GRM5: variants seen among roughly 807,000 people sequenced by gnomAD.
The protein encoded by GRM5 is glutamate metabotropic receptor 5, also known as metabotropic glutamate receptor 5.
In GRM5, 19 loss-of-function variants were observed where a neutral mutation model predicts 83.1. That is an observed-to-expected ratio of 0.23 (90% CI 0.16 to 0.34). The LOEUF is 0.34. Among genes scored for constraint, GRM5 ranks in the 10% least tolerant of loss-of-function variants. The pLI is 1.00. For synonymous variants in GRM5, 675 were observed against 633.6 expected (o/e 1.07, Z -0.98); for missense variants, 1,160 against 1,588.3 (o/e 0.73, Z 4.58).
intron 3 of GRM5, among the ~76,000 whole-genome samples, chr11:88,745,353 C>T (rs1591483611): frequency 1.4e-5 from 2 of 148,050 alleles, no homozygotes; most frequent in Non-Finnish European, 3.0e-5. Flanking sequence ...ACTACAGGCA[C>T]GTGCCACCCC....
chr11:88,798,825 A>AAAAAAAACAACAAC (rs777932007), intron 3 of GRM5, among the ~76,000 whole-genome samples: 1 of 145,236 alleles, frequency 6.9e-6, no homozygotes, highest in African/African-American at 2.5e-5. Flanking sequence ...AAAAAAAAAA[A>AAAAAAAACAACAAC]AACAACAACA....
chr11:88,591,952 T>A (rs184508884), intron 6 of GRM5, among the ~76,000 whole-genome samples: 1 of 152,336 alleles, frequency 6.6e-6, no homozygotes, highest in Non-Finnish European at 1.5e-5. Flanking sequence ...GCTGGTTTAT[T>A]TTTTTCATTT....
chr11:88,792,527 T>C (rs1327070117), intron 3 of GRM5, among the ~76,000 whole-genome samples: 1 of 152,124 alleles, frequency 6.6e-6, no homozygotes, highest in Non-Finnish European at 1.5e-5. Context: ...ATTTCTAGTA[T>C]CAAAGAAATG....
intron 8 of GRM5, among the ~76,000 whole-genome samples, chr11:88,563,039 A>G (rs1406930798): frequency 6.6e-6 from 1 of 152,214 alleles, no homozygotes; most frequent in African/African-American, 2.4e-5. Flanking sequence ...TTTTTATAAC[A>G]TGAGGAAAAT....
intron 8 of GRM5, among the ~76,000 whole-genome samples, chr11:88,556,290 T>C (rs1249695656): frequency 6.6e-6 from 1 of 151,868 alleles, no homozygotes; most frequent in Non-Finnish European, 1.5e-5. Context: ...TCACATTTCA[T>C]GGATATGAAC....
At chr11:89,023,893 AT>A (rs1941058880) in intron 2 of GRM5, among the ~76,000 whole-genome samples, 3 of 147,190 alleles carry the variant, frequency 2.0e-5, no homozygotes, top group African/African-American at 5.2e-5. Flanking sequence ...AAATAAATAA[AT>A]AAAAATAAAT....
chr11:88,590,483 T>C (rs917249032), intron 7 of GRM5, 118 bp downstream of exon 7: 3 of 769,184 alleles, frequency 3.9e-6, no homozygotes, highest in Non-Finnish European at 6.4e-6. Context: ...CCAAGGAAAT[T>C]ATTTGTTCCA....
At chr11:89,031,204 A>G (rs1449504130) in intron 2 of GRM5, among the ~76,000 whole-genome samples, 2 of 152,110 alleles carry the variant, frequency 1.3e-5, no homozygotes, top group Non-Finnish European at 2.9e-5. Context: ...TTCTTAAGCC[A>G]GTAGTAAGAT....
At chr11:88,817,271 C>T (rs72643328) in intron 3 of GRM5, among the ~76,000 whole-genome samples, 12,411 of 151,986 alleles carry the variant, frequency 0.082, 893 homozygotes, top group African/African-American at 0.2. Context: ...ACTGTTTACA[C>T]GTAAACAGTA....
intron 3 of GRM5, among the ~76,000 whole-genome samples, chr11:88,775,896 C>T (rs1012235347): frequency 4.7e-5 from 5 of 106,182 alleles, no homozygotes; most frequent in Non-Finnish European, 1.4e-4. Context: ...CAATGTGTTG[C>T]TGAGAAGACT....
At chr11:89,030,526 G>T (rs1341958506) in intron 2 of GRM5, among the ~76,000 whole-genome samples, 4 of 151,816 alleles carry the variant, frequency 2.6e-5, no homozygotes, top group African/African-American at 7.3e-5. Flanking sequence ...TCTGGTAAAT[G>T]GTAATTAAAA....
chr11:88,851,030 T>C (rs1478775645), intron 2 of GRM5, among the ~76,000 whole-genome samples: 2 of 152,120 alleles, frequency 1.3e-5, no homozygotes, highest in Non-Finnish European at 2.9e-5. Flanking sequence ...AGGTCCATAT[T>C]TACCTTGAGT....
chr11:88,744,070 C>G (rs118022648), intron 3 of GRM5, among the ~76,000 whole-genome samples: 3 of 152,092 alleles, frequency 2.0e-5, no homozygotes, highest in Non-Finnish European at 2.9e-5. Context: ...CATCCTATAT[C>G]ACAATTTTAA....
At chr11:88,783,322 G>A (rs1252679075) in intron 3 of GRM5, among the ~76,000 whole-genome samples, 1 of 151,992 alleles carries the variant, frequency 6.6e-6, no homozygotes. Flanking sequence ...TAAATTTTGG[G>A]TATCTTCCTC....
At position 89,002,134 on chromosome 11, in the gene GRM5, A is replaced by G. The variant is rs144597010; in HGVS notation, c.661+45078T>C. On this transcript the variant is annotated intron_variant, in intron 2 of 9. Coordinates refer to ENST00000305447, the MANE Select transcript of GRM5 (RefSeq NM_001143831.3). ...AGATTCTTGGATTGAACATATTTCT[A>G]TTTTAAGTTTAACTATTTTTGGCAT... 5.9e-4 allele frequency among the ~76,000 whole-genome samples: 90 copies of G among 152,264 alleles called. 1 individual carries two copies. The East Asian group carries it at 0.012, about 21-fold the overall frequency.
At chr11:88,683,413 T>C (rs996885184) in intron 3 of GRM5, among the ~76,000 whole-genome samples, 8 of 152,234 alleles carry the variant, frequency 5.3e-5, no homozygotes, top group Non-Finnish European at 1.0e-4. Flanking sequence ...TTCTATTACT[T>C]TAGCATTTTA....
intron 4 of GRM5, among the ~76,000 whole-genome samples, chr11:88,633,569 G>A (rs55663947): frequency 0.11 from 16,580 of 152,208 alleles, 1,706 homozygotes; most frequent in African/African-American, 0.26. Flanking sequence ...TGCAATCATA[G>A]CTTACTACAG....
At chr11:88,929,620 A>G (rs2135644329) in intron 2 of GRM5, among the ~76,000 whole-genome samples, 1 of 152,248 alleles carries the variant, frequency 6.6e-6, no homozygotes, top group East Asian at 1.9e-4. Flanking sequence ...GTTATTATTC[A>G]AAGGTATTTT....
chr11:88,878,748 T>C (rs1019738493), intron 2 of GRM5, among the ~76,000 whole-genome samples: 2 of 152,166 alleles, frequency 1.3e-5, no homozygotes, highest in African/African-American at 2.4e-5. Context: ...GGAATACTCA[T>C]CATCAATAAA....
Sources: gnomAD v4.1 joint callset for allele counts (sites outside exome capture counted in the v4.1 genomes callset) on GRCh38, gnomAD v4.1.1 for gene constraint, MANE v1.5 for transcripts, NCBI Gene and HGNC (gene_info 2026-07-23, HGNC 2026-07-21) for gene names.